Variants in KDM4B observed in about 807,000 individuals in gnomAD.
KDM4B encodes the protein lysine-specific demethylase 4B.
Under a neutral mutation model 125.2 loss-of-function variants are expected in KDM4B, and 32 were observed. The ratio of observed to expected loss-of-function variants is 0.26; its 90% CI spans 0.19 to 0.34. KDM4B has a LOEUF of 0.34. KDM4B is among the 10% of genes least tolerant of loss of function. The pLI is 1.00. For missense variants in KDM4B, 1,190 were observed against 1,577.7 expected, an observed-to-expected ratio of 0.75 and a Z score of 4.16; for synonymous variants, 721 against 677.9, an observed-to-expected ratio of 1.06 and a Z score of -0.99.
At chr19:5,097,540 G>A (rs1028402005) in intron 9 of KDM4B, among the ~76,000 whole-genome samples, 14 of 152,308 alleles carry the variant, frequency 9.2e-5, no homozygotes, top group African/African-American at 2.9e-4. Context: ...GGCGTGAGCC[G>A]CCGCGCCTGG....
intron 1 of KDM4B, among the ~76,000 whole-genome samples, chr19:4,977,993 T>C (rs2034507045): frequency 6.6e-6 from 1 of 152,190 alleles, no homozygotes; most frequent in African/African-American, 2.4e-5. Flanking sequence ...ATCCCATCTG[T>C]CAGACAGTGT....
chr19:5,061,913 T>C (rs1409950221), intron 6 of KDM4B, among the ~76,000 whole-genome samples: 1 of 151,510 alleles, frequency 6.6e-6, no homozygotes, highest in African/African-American at 2.4e-5. Context: ...CATCAGATAT[T>C]GGAGGAGTTC....
At chr19:4,996,419 G>T (rs1175607578) in intron 1 of KDM4B, among the ~76,000 whole-genome samples, 1 of 152,150 alleles carries the variant, frequency 6.6e-6, no homozygotes, top group East Asian at 1.9e-4. Flanking sequence ...CTGTCATCCA[G>T]GCTGGAGTGC....
chr19:5,115,820 C>T lies in KDM4B; in HGVS notation c.1116-3833C>T, dbSNP rs2039243583. ...GACAAGCCCACAGTGGATTGGGAGG[C>T]CCTTGAAGAATCCCCTCCCACAGCA... On this transcript the variant is annotated intron_variant, in intron 10 of 22. Transcript: ENST00000159111. This position sits in a 1 kb window ranked among gnomAD's most constrained non-coding sequence, Gnocchi z 4.2. 6.6e-6 allele frequency among the ~76,000 whole-genome samples: 1 copy of T among 152,096 alleles called. No individual in the cohort carries two copies. The highest frequency in any genetic ancestry group is 2.4e-5 in the African/African-American group (1 of 41,398).
chr19:5,151,461 T>G lies in KDM4B; in HGVS notation c.3241T>G (p.Phe1081Val). 6.6e-7 allele frequency: 1 copy of G among 1,523,130 alleles called. No individual in the cohort carries two copies. Among genetic ancestry groups the G allele is most frequent in the Non-Finnish European group, 8.8e-7 (1 of 1,135,926 alleles). 94.4% of individuals were successfully genotyped at this position (1,523,130 alleles called of 1,614,324 possible). A position where few individuals can be genotyped will look rare whatever the true frequency, so the allele number is the denominator to read the frequency against. ...CGGGCGGAGCCAGGACTACGTGGCC[T>G]TCGTGGAGAGCCTCCTGCAGGTGCA... ...DSGRSQDYVAFVESLLQVQGR... is the reference protein window; with the variant it reads ...DSGRSQDYVAVVESLLQVQGR... The change falls in exon 23 of 23, where the codon TTC becomes GTC. Residue 1081 changes from phenylalanine (F) to valine (V), a missense_variant. Phe to Val is a conservative substitution (Grantham distance 50, BLOSUM62 -1). Coordinates refer to ENST00000159111, the MANE Select transcript of KDM4B (RefSeq NM_015015.3).
rs983367794 is a variant in KDM4B at position 5,032,767 on chromosome 19, C to G, written c.-25-99C>G. On this transcript the variant is annotated intron_variant, in intron 2 of 22. Transcript: ENST00000159111. ...CCAGCCGCCTTTGTCCTCCTGGTGG[C>G]CACGGTATTTTTAGCACGCTCCGTT... is the stretch of plus-strand genomic sequence containing the variant. The G allele has an allele frequency of 1.2e-5, 14 of 1,174,452 alleles. No individual in the cohort carries two copies. The Admixed American group carries it at 1.6e-4, about 14-fold the overall frequency. 72.8% of individuals were successfully genotyped at this position (1,174,452 alleles called of 1,614,324 possible). A position where few individuals can be genotyped will look rare whatever the true frequency, so the allele number is the denominator to read the frequency against.
intron 9 of KDM4B, among the ~76,000 whole-genome samples, chr19:5,083,768 G>A (rs766881446): frequency 4.6e-5 from 7 of 152,132 alleles, no homozygotes; most frequent in Admixed American, 1.3e-4. Context: ...GACGGGCAGC[G>A]GGCTGGCCAG....
chr19:5,022,901 A>G (rs1436852886), intron 2 of KDM4B, among the ~76,000 whole-genome samples: 2 of 152,056 alleles, frequency 1.3e-5, no homozygotes, highest in Non-Finnish European at 2.9e-5. Context: ...TATGGGTACA[A>G]GGTATGCTTA....
At chr19:5,145,125 G>A (rs982025987) in intron 21 of KDM4B, among the ~76,000 whole-genome samples, 2 of 152,122 alleles carry the variant, frequency 1.3e-5, no homozygotes, top group African/African-American at 4.8e-5. Context: ...GCCTCCACTC[G>A]GGTGACATTT....
intron 1 of KDM4B, among the ~76,000 whole-genome samples, chr19:5,000,310 C>T (rs143221149): frequency 0.011 from 1,680 of 149,050 alleles, 16 homozygotes; most frequent in Non-Finnish European, 0.016. Flanking sequence ...TCCATCTGTC[C>T]GTCTGTCCAT....
chr19:4,973,403 G>A (rs1311644434), intron 1 of KDM4B, among the ~76,000 whole-genome samples: 1 of 152,050 alleles, frequency 6.6e-6, no homozygotes, highest in Non-Finnish European at 1.5e-5. Flanking sequence ...TGACCAGGCT[G>A]GTCTCAAACT....
At chr19:5,096,753 G>A (rs1051223293) in intron 9 of KDM4B, among the ~76,000 whole-genome samples, 7 of 149,802 alleles carry the variant, frequency 4.7e-5, no homozygotes, top group Non-Finnish European at 8.9e-5. Context: ...TGCCCCCGGC[G>A]GTGTCGGTGG....
At chr19:5,127,886 C>A (rs741697) in intron 11 of KDM4B, among the ~76,000 whole-genome samples, 2 of 151,988 alleles carry the variant, frequency 1.3e-5, no homozygotes, top group Non-Finnish European at 2.9e-5. Context: ...CCCCGTTGGT[C>A]GGGGGAGGAT....
Position 5,081,800 on chromosome 19 carries a change from C to T in KDM4B, c.781-567C>T, listed in dbSNP as rs890510060. On this transcript the variant is annotated intron_variant, in intron 8 of 22. Transcript: ENST00000159111. The surrounding 1 kb of genome is among the most constrained non-coding windows in gnomAD (Gnocchi z 4.2). ...GCAGGCCCCTTCCTGGCGTGTTTTGCGCGTGCAGTGGTGGTTCCTTTCTCA... is the reference window on the plus strand; with the variant it reads ...GCAGGCCCCTTCCTGGCGTGTTTTGTGCGTGCAGTGGTGGTTCCTTTCTCA... Among the ~76,000 whole-genome samples, 19 of 152,158 alleles carry T rather than the reference C, an allele frequency of 1.2e-4. No homozygotes were observed. The highest frequency in any genetic ancestry group is 3.6e-4 in the African/African-American group (15 of 41,436).
intron 9 of KDM4B, among the ~76,000 whole-genome samples, chr19:5,096,148 T>C (rs927228117): frequency 4.7e-5 from 7 of 150,228 alleles, no homozygotes; most frequent in African/African-American, 9.8e-5. Flanking sequence ...TGCAGTGGTG[T>C]GATCTCGGCT....
At chr19:5,066,880 A>G (rs1457940003) in intron 6 of KDM4B, among the ~76,000 whole-genome samples, 3 of 152,188 alleles carry the variant, frequency 2.0e-5, no homozygotes, top group East Asian at 3.8e-4. Context: ...CTTTGAGAAC[A>G]CGGAGATGGA....
At chr19:5,108,757 T>G (rs1228686499) in intron 9 of KDM4B, among the ~76,000 whole-genome samples, 1 of 152,138 alleles carries the variant, frequency 6.6e-6, no homozygotes, top group Non-Finnish European at 1.5e-5. Flanking sequence ...TGTGCCTGTT[T>G]GATGGAGAGG....
intron 13 of KDM4B, among the ~76,000 whole-genome samples, chr19:5,133,374 C>T (rs1348172014): frequency 1.3e-5 from 2 of 152,200 alleles, no homozygotes; most frequent in African/African-American, 4.8e-5. Flanking sequence ...TCCTCTGGCA[C>T]CTCCCTTGAG....
Position 4,997,744 on chromosome 19 carries a change from C to T in KDM4B, c.-108-18513C>T, listed in dbSNP as rs1276892641. Among the ~76,000 whole-genome samples, 2 of 152,212 alleles carry T rather than the reference C, an allele frequency of 1.3e-5. No homozygotes were observed. The highest frequency in any genetic ancestry group is 4.8e-5 in the African/African-American group (2 of 41,464). The stretch of plus-strand genomic sequence containing the variant: ...CAGAGTCATGCCTGCATGGGGGCTC[C>T]AGGACCTCGTCATCAGCCTCTTCAT... On this transcript the variant is annotated intron_variant, in intron 1 of 22. Coordinates refer to ENST00000159111, the MANE Select transcript of KDM4B (RefSeq NM_015015.3). This position sits in a 1 kb window ranked among gnomAD's most constrained non-coding sequence, Gnocchi z 4.2.
Sources: allele counts gnomAD v4.1 joint callset (sites outside exome capture counted in the v4.1 genomes callset), GRCh38; gene constraint gnomAD v4.1.1; non-coding constraint Gnocchi (gnomAD v3.1); transcripts MANE v1.5; gene names NCBI Gene and HGNC (gene_info 2026-07-23, HGNC 2026-07-21).